MED24: variants seen among roughly 807,000 people sequenced by gnomAD.
MED24 encodes mediator of RNA polymerase II transcription subunit 24.
MED24 carries 74 observed loss-of-function variants against 118.8 expected under a neutral mutation model. The ratio of observed to expected loss-of-function variants is 0.62; its 90% CI spans 0.52 to 0.76. The LOEUF (loss-of-function observed/expected upper bound fraction) is 0.76, where lower values mean the gene tolerates loss of function less well. MED24 is among the 30% of genes least tolerant of loss of function. MED24 has a pLI of 0.00. For synonymous variants in MED24, 521 were observed against 523.9 expected, an observed-to-expected ratio of 0.99 and a Z score of 0.08; for missense variants, 1,041 against 1,278.9, an observed-to-expected ratio of 0.81 and a Z score of 2.84.
At chr17:40,036,291 A>G (rs1223844758) in intron 3 of MED24, 137 bp from the exon 4 acceptor site, 9 of 791,428 alleles carry the variant, frequency 1.1e-5, no homozygotes, top group Non-Finnish European at 1.9e-5. Flanking sequence ...CCAAGCAAGG[A>G]GAGGCAGTGT....
chr17:40,029,573 G>A (rs562781507), intron 13 of MED24, among the ~76,000 whole-genome samples, 175 bp downstream of exon 13: 23 of 152,294 alleles, frequency 1.5e-4, no homozygotes, highest in African/African-American at 5.1e-4. Flanking sequence ...AAGCTCCCAC[G>A]GGTTAGCATT....
In MED24 at chr17:40,026,537, A is replaced by C. The variant is rs76395197; in HGVS notation, c.1809+110T>G. The C allele has an allele frequency of 3.4e-4, 411 of 1,200,974 alleles. 1 individual carries two copies. The African/African-American group carries it at 5.5e-3, about 16-fold the overall frequency. 74.4% of individuals were successfully genotyped at this position (1,200,974 alleles called of 1,614,324 possible). A position where few individuals can be genotyped will look rare whatever the true frequency, so the allele number is the denominator to read the frequency against. ...CGATTACACAAAATATCAATATCAA[A>C]ACATGAGCTCCTGGATTAAAGGTCT... On this transcript the variant is annotated intron_variant, in intron 18 of 25. Transcript: ENST00000394128.
intron 3 of MED24, among the ~76,000 whole-genome samples, chr17:40,045,200 G>A (rs1338355964): frequency 2.0e-5 from 3 of 152,034 alleles, no homozygotes; most frequent in African/African-American, 7.3e-5. Flanking sequence ...TGTGATCCCA[G>A]CACTTTGGGA....
intron 3 of MED24, among the ~76,000 whole-genome samples, chr17:40,036,559 G>C (rs952703764): frequency 6.6e-6 from 1 of 151,720 alleles, no homozygotes; most frequent in Non-Finnish European, 1.5e-5. Context: ...GTGGTGGTGC[G>C]TGCCTATAAT....
Position 40,053,393 on chromosome 17 carries a change from T to C in MED24, c.131-13A>G, listed in dbSNP as rs1986047451. 2 of 1,613,236 alleles carry C rather than the reference T, an allele frequency of 1.2e-6. No individual in the cohort carries two copies. The highest frequency in any genetic ancestry group is 1.3e-5 in the African/African-American group (1 of 74,888). On this transcript the variant is annotated splice_polypyrimidine_tract_variant and intron_variant, in intron 2 of 25. Coordinates refer to ENST00000394128, the MANE Select transcript of MED24 (RefSeq NM_014815.4). ...TCTAGTAACGCATCTGCAAGAGGAATAGCAAAACACAACTGAGTGATTACA... is the reference window on the plus strand; with the variant it reads ...TCTAGTAACGCATCTGCAAGAGGAACAGCAAAACACAACTGAGTGATTACA...
chr17:40,032,182 G>T, intron 9 of MED24, 92 bp from the exon 10 acceptor site: 1 of 1,426,286 alleles, frequency 7.0e-7, no homozygotes, highest in Non-Finnish European at 9.8e-7. Context: ...CCTGCTCCAG[G>T]AAGAGAGACA....
rs371076719 is a variant in MED24 at position 40,035,357 on chromosome 17, G to T, written c.327-8C>A. 16 of 1,569,898 alleles carry T rather than the reference G, an allele frequency of 1.0e-5. 1 individual carries two copies. In the African/African-American group the frequency reaches 1.6e-4, roughly 16 times the overall value. ...TCTGCTTTGCCGTGACAGCTACAGG[G>T]AAGGATGCAAAATCAGACTCTGTTC... is the stretch of plus-strand genomic sequence containing the variant. On this transcript the variant is annotated splice_polypyrimidine_tract_variant and splice_region_variant and intron_variant, in intron 5 of 25. Coordinates refer to ENST00000394128, the MANE Select transcript of MED24 (RefSeq NM_014815.4).
chr17:40,042,690 A>G (rs967638847), intron 3 of MED24, among the ~76,000 whole-genome samples: 2 of 152,170 alleles, frequency 1.3e-5, no homozygotes, highest in African/African-American at 4.8e-5. Flanking sequence ...AAAAAAACAG[A>G]GAAAGATACC....
chr17:40,032,232 T>A, intron 9 of MED24, 142 bp from the exon 10 acceptor site: 1 of 993,382 alleles, frequency 1.0e-6, no homozygotes, highest in Non-Finnish European at 1.5e-6. Context: ...CACTTAGTGC[T>A]AAATGAGAAA....
chr17:40,029,074 A>C, intron 13 of MED24, 106 bp from the exon 14 acceptor site: 2 of 1,470,718 alleles, frequency 1.4e-6, no homozygotes, highest in Non-Finnish European at 1.9e-6. Flanking sequence ...TGTAATCTAC[A>C]TCTTTCTGAC....
chr17:40,034,494 T>A (rs764231548), intron 6 of MED24, among the ~76,000 whole-genome samples: 2 of 152,184 alleles, frequency 1.3e-5, no homozygotes, highest in African/African-American at 4.8e-5. Flanking sequence ...GGAGCAAGAC[T>A]ATGGCCTTAG....
intron 3 of MED24, among the ~76,000 whole-genome samples, chr17:40,048,943 AC>A (rs1447323490): frequency 6.6e-6 from 1 of 152,178 alleles, no homozygotes; most frequent in Non-Finnish European, 1.5e-5. Context: ...GAAAACATGT[AC>A]CCAAGGTGGT....
chr17:40,033,163 T>C lies in MED24; in HGVS notation c.715A>G (p.Thr239Ala). 1.2e-6 allele frequency: 2 copies of C among 1,614,076 alleles called. No homozygotes were observed. The highest frequency in any genetic ancestry group is 1.7e-6 in the Non-Finnish European group (2 of 1,180,020). The change falls in exon 8 of 26, where the codon ACC becomes GCC. Residue 239 changes from threonine to alanine, a missense_variant. By Grantham distance (58) the Thr-to-Ala change is moderately conservative (BLOSUM62 0). Coordinates refer to ENST00000394128, the MANE Select transcript of MED24 (RefSeq NM_014815.4). This position sits in a 1 kb window ranked among gnomAD's most constrained non-coding sequence, Gnocchi z 5.2. ...LSVHAEQMHK[T>A]GFPTVHAVIL... is the part of the protein sequence containing the mutation. ...ACGGCGTGGACAGTGGGGAAGCCGG[T>C]CTTGTGCATCTGCTCCGCATGCACA...
chr17:40,029,056 A>G lies in MED24; in HGVS notation c.1267-88T>C, dbSNP rs1348391683. 4 of 1,545,696 alleles carry G rather than the reference A, an allele frequency of 2.6e-6. No individual in the cohort carries two copies. In the African/African-American group the frequency reaches 4.1e-5, roughly 16 times the overall value. ...CCTAGCCACATTTTCTCTCTTCACA[A>G]CCTGGAATGTAATCTACATCTTTCT... On this transcript the variant is annotated intron_variant, in intron 13 of 25. Transcript: ENST00000394128.
intron 13 of MED24, 43 bp downstream of exon 13, chr17:40,029,705 G>A: frequency 6.4e-7 from 1 of 1,559,358 alleles, no homozygotes; most frequent in Non-Finnish European, 8.8e-7. Context: ...GCACTGGAAA[G>A]AAGAAAGAGA....
chr17:40,035,462 G>T, intron 5 of MED24, 113 bp from the exon 6 acceptor site: 1 of 1,186,374 alleles, frequency 8.4e-7, no homozygotes, highest in Non-Finnish European at 1.2e-6. Context: ...GGGCTGAGAA[G>T]CTAGCAAAGT....
At chr17:40,036,518 G>A (rs149274727) in intron 3 of MED24, among the ~76,000 whole-genome samples, 40 of 152,042 alleles carry the variant, frequency 2.6e-4, no homozygotes, top group African/African-American at 7.0e-4. Context: ...GTGAAACCCC[G>A]TCTCTACTAA....
In MED24 at chr17:40,022,036, G is replaced by T; in HGVS notation, c.2542C>A (p.Pro848Thr). 3 of 1,610,022 alleles carry T rather than the reference G, an allele frequency of 1.9e-6. No homozygotes were observed. The highest frequency in any genetic ancestry group is 1.7e-5 in the Admixed American group (1 of 59,286). ...TTCGAAGGCTGCACATCGTCCAGGG[G>T]GAAGAGGCTGATATAATCCTAGAGG... The part of the protein sequence containing the change: ...EDIEDYISLF[P>T]LDDVQPSKLM... The change falls in exon 23 of 26, where the codon CCC becomes ACC. Residue 848 changes from proline (P) to threonine (T), a missense_variant. Pro to Thr is a conservative substitution (Grantham distance 38, BLOSUM62 -1). Transcript: ENST00000394128.
chr17:40,022,031 C>T lies in MED24; in HGVS notation c.2547G>A (p.Leu849=), dbSNP rs745350006. 59 of 1,610,802 alleles carry T rather than the reference C, an allele frequency of 3.7e-5. No homozygotes were observed. The highest frequency in any genetic ancestry group is 5.0e-5 in the Admixed American group (3 of 59,412). Residue 849 remains leucine, a synonymous_variant, in exon 23 of 26, where the codon CTG becomes CTA. Coordinates refer to ENST00000394128, the MANE Select transcript of MED24 (RefSeq NM_014815.4). ...TCAACTTCGAAGGCTGCACATCGTC[C>T]AGGGGGAAGAGGCTGATATAATCCT... The part of the protein sequence containing the change: ...DIEDYISLFP[L]DDVQPSKLMR...
Sources: gnomAD v4.1 joint callset for allele counts (sites outside exome capture counted in the v4.1 genomes callset) on GRCh38, gnomAD v4.1.1 for gene constraint, Gnocchi (gnomAD v3.1) non-coding constraint, MANE v1.5 for transcripts, NCBI Gene and HGNC (gene_info 2026-07-23, HGNC 2026-07-21) for gene names.